The following VWA5A variants were observed in gnomAD, a reference collection of about 807,000 sequenced individuals.
The protein encoded by VWA5A is von Willebrand factor A domain-containing protein 5A.
A neutral mutation model predicts 84.6 loss-of-function variants in VWA5A; 77 were observed. That is an observed-to-expected ratio of 0.91 (90% CI 0.76 to 1.10). The LOEUF (loss-of-function observed/expected upper bound fraction) is 1.10, where lower values mean the gene tolerates loss of function less well. VWA5A is among the 50% of genes least tolerant of loss of function. The probability of loss-of-function intolerance (pLI) is 0.00; values close to 1 mark genes in which losing one functional copy is unlikely to be tolerated. For synonymous variants in VWA5A, 334 were observed against 350.1 expected, an observed-to-expected ratio of 0.95 and a Z score of 0.51; for missense variants, 973 against 963.0, an observed-to-expected ratio of 1.01 and a Z score of -0.14.
Position 124,147,547 on chromosome 11 carries a change from T to C in VWA5A, c.*1602T>C, listed in dbSNP as rs1293851671. ...TTCTTCCAAGTTTGTTTATGCTGAATGTGATCTGCGGAACAGGGTTGTTAG... is the reference window on the plus strand; with the variant it reads ...TTCTTCCAAGTTTGTTTATGCTGAACGTGATCTGCGGAACAGGGTTGTTAG... On this transcript the variant is annotated 3_prime_UTR_variant, in exon 19 of 19. Coordinates refer to ENST00000456829, the MANE Select transcript of VWA5A (RefSeq NM_001130142.2). 6.6e-6 allele frequency: 1 copy of C among 152,220 alleles called. No homozygotes were observed. Among genetic ancestry groups the C allele is most frequent in the Non-Finnish European group, 1.5e-5 (1 of 68,036 alleles). 9.4% of individuals were successfully genotyped at this position (152,220 alleles called of 1,614,324 possible).
In VWA5A at chr11:124,117,386, A is replaced by G. The variant is rs1864848288; in HGVS notation, c.-15-111A>G. 2.8e-6 allele frequency: 3 copies of G among 1,087,592 alleles called. No individual in the cohort carries two copies. The South Asian group carries it at 3.9e-5, about 14-fold the overall frequency. The allele number at this position is 1,087,592 out of a possible 1,614,324, so 67.4% of individuals were successfully genotyped here. Reference sequence around the variant, plus strand: ...TTAAAGGTTCCAACTTCCTAACTCCAACATTAACCCTTTGAATGTATTCTT... The same window carrying G: ...TTAAAGGTTCCAACTTCCTAACTCCGACATTAACCCTTTGAATGTATTCTT... On this transcript the variant is annotated intron_variant, in intron 2 of 18. Transcript: ENST00000456829.
At chr11:124,143,112 A>G (rs1860761244) in intron 17 of VWA5A, among the ~76,000 whole-genome samples, 3 of 152,186 alleles carry the variant, frequency 2.0e-5, no homozygotes, top group African/African-American at 7.2e-5. Flanking sequence ...TAACCTCATT[A>G]TTGCTCCTCT....
In VWA5A at chr11:124,145,345, T is replaced by C. The variant is rs765452353; in HGVS notation, c.2263T>C (p.Trp755Arg). ...WELLERKAVAWMRAHAGSTMP... is the reference protein window; with the variant it reads ...WELLERKAVARMRAHAGSTMP... ...GCTTCTGGAAAGGAAGGCCGTGGCC[T>C]GGATGCGTGCCCATGCAGGTAGGAG... The change falls in exon 18 of 19, where the codon TGG becomes CGG. Residue 755 changes from tryptophan (W) to arginine (R), a missense_variant. Physicochemically the swap from Trp to Arg is moderately radical, Grantham distance 101. Transcript: ENST00000456829. The C allele has an allele frequency of 6.2e-6, 10 of 1,613,144 alleles. No homozygotes were observed. In the Admixed American group the frequency reaches 1.7e-4, roughly 27 times the overall value.
At chr11:124,136,074 G>T (rs1009713598) in intron 12 of VWA5A, 55 bp from the exon 13 acceptor site, 3 of 1,574,436 alleles carry the variant, frequency 1.9e-6, no homozygotes, top group Admixed American at 3.4e-5. Context: ...CCAGTTAATT[G>T]TAGCTGCCAT....
At chr11:124,119,208 C>T in intron 7 of VWA5A, 119 bp downstream of exon 7, 1 of 905,518 alleles carries the variant, frequency 1.1e-6, no homozygotes, top group Non-Finnish European at 1.7e-6. Flanking sequence ...ATGTGAAACA[C>T]TGAAATAGTT....
intron 11 of VWA5A, among the ~76,000 whole-genome samples, chr11:124,131,941 C>T (rs1407450619): frequency 6.6e-6 from 1 of 151,884 alleles, no homozygotes; most frequent in Non-Finnish European, 1.5e-5. Context: ...ATGGTGTTTG[C>T]TGTAAGGGTT....
At chr11:124,144,701 G>A (rs2137669405) in intron 17 of VWA5A, among the ~76,000 whole-genome samples, 2 of 152,314 alleles carry the variant, frequency 1.3e-5, no homozygotes, top group South Asian at 4.1e-4. Context: ...CTGCATGGCT[G>A]AGATTTTCTA....
chr11:124,136,158 G>A lies in VWA5A; in HGVS notation c.1389G>A (p.Gln463=). ...KALRTLKRSL[Q]PVVEDVSLSW... is the part of the protein sequence containing the mutation. ...TCAGGACTCTGAAACGCTCTCTGCA[G>A]CCTGTGGTAGAGGATGTCTCTCTGA... The change falls in exon 13 of 19, where the codon CAG becomes CAA. Residue 463 remains glutamine (Q), a synonymous_variant. Coordinates refer to ENST00000456829, the MANE Select transcript of VWA5A (RefSeq NM_001130142.2). The A allele has an allele frequency of 6.2e-7, 1 of 1,614,154 alleles. No homozygotes were observed. The highest frequency in any genetic ancestry group is 8.5e-7 in the Non-Finnish European group (1 of 1,180,026).
In VWA5A at chr11:124,146,181, T is replaced by C. The variant is rs1591369006; in HGVS notation, c.*236T>C. On this transcript the variant is annotated 3_prime_UTR_variant, in exon 19 of 19. Transcript: ENST00000456829. The stretch of plus-strand genomic sequence containing the variant: ...TGGTCCCAGAACCTATTCCCTTTCT[T>C]GAGGGAGTTCAAAACATTCATAGGC... 2.6e-6 allele frequency: 1 copy of C among 382,924 alleles called. No homozygotes were observed. The highest frequency in any genetic ancestry group is 4.7e-6 in the Non-Finnish European group (1 of 212,322). The allele number at this position is 382,924 out of a possible 1,614,324, so 23.7% of individuals were successfully genotyped here.
At chr11:124,135,187 G>C (rs1865156282) in intron 12 of VWA5A, among the ~76,000 whole-genome samples, 153 bp downstream of exon 12, 1 of 152,302 alleles carries the variant, frequency 6.6e-6, no homozygotes, top group African/African-American at 2.4e-5. Flanking sequence ...ACTTAGTCAG[G>C]CTACTTTTGG....
intron 15 of VWA5A, among the ~76,000 whole-genome samples, chr11:124,140,467 T>A (rs575247921): frequency 5.5e-5 from 8 of 146,634 alleles, no homozygotes; most frequent in Middle Eastern, 3.6e-3. Context: ...TAGGAATTTT[T>A]AAATTTTTTT....
intron 12 of VWA5A, 48 bp downstream of exon 12, chr11:124,135,082 A>G (rs774821802): frequency 7.3e-5 from 111 of 1,528,434 alleles, no homozygotes; most frequent in Non-Finnish European, 9.6e-5. Flanking sequence ...AATCCAGACC[A>G]AAGTGGAACG....
intron 17 of VWA5A, 98 bp downstream of exon 17, chr11:124,142,670 A>AG: frequency 1.4e-6 from 2 of 1,475,124 alleles, no homozygotes; most frequent in Non-Finnish European, 9.2e-7. Flanking sequence ...AGGAAAATAT[A>AG]GGGGGTCATA....
At chr11:124,123,324 G>C (rs371595309) in intron 8 of VWA5A, 42 bp from the exon 9 acceptor site, 1 of 1,588,684 alleles carries the variant, frequency 6.3e-7, no homozygotes, top group East Asian at 2.2e-5. Context: ...GTGTTTTGGC[G>C]AGCCTCTCTC....
chr11:124,124,678 G>A (rs1041352209), intron 11 of VWA5A: 5 of 541,056 alleles, frequency 9.2e-6, no homozygotes, highest in Middle Eastern at 8.3e-4. Context: ...CTGTGTGATC[G>A]CCACATAGGT....
At chr11:124,139,260 T>A (rs1860680173) in intron 15 of VWA5A, among the ~76,000 whole-genome samples, 1 of 151,152 alleles carries the variant, frequency 6.6e-6, no homozygotes, top group Non-Finnish European at 1.5e-5. Context: ...TGTGTGTGTT[T>A]TCTCAAGGTT....
At chr11:124,138,024 A>G (rs12277022) in intron 15 of VWA5A, among the ~76,000 whole-genome samples, 13,859 of 152,110 alleles carry the variant, frequency 0.091, 643 homozygotes, top group South Asian at 0.1. Flanking sequence ...ATGCCCAGCT[A>G]ATTTTTTTGT....
chr11:124,131,499 T>C (rs1865097011), intron 11 of VWA5A, among the ~76,000 whole-genome samples: 1 of 152,130 alleles, frequency 6.6e-6, no homozygotes, highest in African/African-American at 2.4e-5. Flanking sequence ...CTCTGTAATA[T>C]TTTATAATTC....
intron 14 of VWA5A, 26 bp downstream of exon 14, chr11:124,136,700 C>CCTTT: frequency 1.7e-6 from 1 of 604,498 alleles, no homozygotes. Context: ...TCCCTTCCTT[C>CCTTT]CTTCCTTCCT....
Sources: gnomAD v4.1 joint callset for allele counts (sites outside exome capture counted in the v4.1 genomes callset) on GRCh38, gnomAD v4.1.1 for gene constraint, MANE v1.5 for transcripts, NCBI Gene and HGNC (gene_info 2026-07-23, HGNC 2026-07-21) for gene names.